The following ANKRD6 variants were observed in gnomAD, a reference collection of about 807,000 sequenced individuals.
The protein encoded by ANKRD6 is ankyrin repeat domain-containing protein 6.
A neutral mutation model predicts 82.3 loss-of-function variants in ANKRD6; 56 were observed. The observed-to-expected ratio is 0.68, with a 90% CI of 0.55 to 0.85. ANKRD6 has a LOEUF of 0.85. Among genes scored for constraint, ANKRD6 ranks in the 40% least tolerant of loss-of-function variants. The pLI is 0.00. For missense variants in ANKRD6, 852 were observed against 907.6 expected (o/e 0.94, Z 0.79); for synonymous variants, 347 against 352.1 (o/e 0.99, Z 0.16).
At chr6:89,592,772 A>G (rs1265873495) in intron 2 of ANKRD6, among the ~76,000 whole-genome samples, 1 of 152,112 alleles carries the variant, frequency 6.6e-6, no homozygotes, top group Non-Finnish European at 1.5e-5. Context: ...CAAGCACAGC[A>G]GGAGGATCTC....
chr6:89,626,891 A>G (rs1457419259), intron 13 of ANKRD6, among the ~76,000 whole-genome samples: 1 of 152,240 alleles, frequency 6.6e-6, no homozygotes, highest in Non-Finnish European at 1.5e-5. Context: ...CCAATGAAGC[A>G]CCAAAAATAT....
intron 5 of ANKRD6, among the ~76,000 whole-genome samples, chr6:89,608,371 T>C (rs1263530512): frequency 4.0e-5 from 4 of 100,092 alleles, no homozygotes; most frequent in South Asian, 4.1e-4. Context: ...ACACACACTA[T>C]ATATATATAT....
chr6:89,450,676 G>C (rs1443070945), intron 1 of ANKRD6, among the ~76,000 whole-genome samples: 1 of 151,186 alleles, frequency 6.6e-6, no homozygotes, highest in South Asian at 2.1e-4. Context: ...CACCACTGCA[G>C]ACTTTTTTTT....
chr6:89,633,827 G>T (rs1324294372), downstream of ANKRD6: 2 of 152,212 alleles, frequency 1.3e-5, no homozygotes, highest in African/African-American at 4.8e-5. Context: ...AAAAATGCAA[G>T]TGTGAATACT....
chr6:89,482,549 T>G (rs117173268), intron 1 of ANKRD6, among the ~76,000 whole-genome samples: 8,472 of 152,242 alleles, frequency 0.056, 262 homozygotes, highest in South Asian at 0.13. Flanking sequence ...GAAACCTAAC[T>G]GGCTTCTCCC....
At chr6:89,613,190 AGTT>A (rs1800659334) in intron 6 of ANKRD6, among the ~76,000 whole-genome samples, 1 of 152,116 alleles carries the variant, frequency 6.6e-6, no homozygotes, top group African/African-American at 2.4e-5. Flanking sequence ...CCTGCCCCTG[AGTT>A]TTTCTTCATA....
chr6:89,467,179 A>G (rs1774943604), intron 1 of ANKRD6, among the ~76,000 whole-genome samples: 1 of 151,936 alleles, frequency 6.6e-6, no homozygotes, highest in East Asian at 1.9e-4. Context: ...CTGTCTCCTA[A>G]TTAAAAAAAA....
intron 1 of ANKRD6, among the ~76,000 whole-genome samples, chr6:89,462,514 A>T (rs1774305546): frequency 6.6e-6 from 1 of 152,130 alleles, no homozygotes; most frequent in Non-Finnish European, 1.5e-5. Flanking sequence ...TAAATACTGA[A>T]GAATACAGTC....
intron 2 of ANKRD6, among the ~76,000 whole-genome samples, chr6:89,589,531 C>G (rs1467635048): frequency 2.6e-5 from 4 of 152,148 alleles, no homozygotes; most frequent in Non-Finnish European, 1.5e-5. Context: ...TCCTCACTGG[C>G]GGGAGATCAT....
At chr6:89,562,831 G>C (rs550759855) in intron 1 of ANKRD6, 6 of 152,350 alleles carry the variant, frequency 3.9e-5, no homozygotes, top group African/African-American at 1.4e-4. Context: ...GATCTCTCCA[G>C]GAAAGAATTG....
At chr6:89,531,332 T>C (rs1783119193) in intron 1 of ANKRD6, among the ~76,000 whole-genome samples, 1 of 152,252 alleles carries the variant, frequency 6.6e-6, no homozygotes. Flanking sequence ...AGAGAACCAA[T>C]GAATCCCTGT....
At chr6:89,623,092 C>T (rs182559387) in intron 10 of ANKRD6, among the ~76,000 whole-genome samples, 3 of 151,886 alleles carry the variant, frequency 2.0e-5, no homozygotes, top group East Asian at 1.9e-4. Context: ...GAAATCTAAA[C>T]GATCAAAAAT....
intron 1 of ANKRD6, among the ~76,000 whole-genome samples, chr6:89,469,097 G>T (rs941611114): frequency 1.3e-5 from 2 of 152,180 alleles, no homozygotes; most frequent in African/African-American, 4.8e-5. Flanking sequence ...AGAGGAGGAT[G>T]CACCTGTTTA....
At position 89,627,677 on chromosome 6, in the gene ANKRD6, A is replaced by G. The variant is rs759403088; in HGVS notation, c.1466A>G (p.His489Arg). Residue 489 changes from histidine to arginine, a missense_variant, in exon 14 of 16, where the codon CAT becomes CGT. Transcript: ENST00000339746. ...RLQQHSDTEK[H>R]EGEKRQISLV... is the part of the protein sequence containing the mutation. ...CAACAGCACTCAGACACAGAGAAGC[A>G]TGAGGGGGAGAAACGACAGGTAGGA... is the stretch of plus-strand genomic sequence containing the variant. 1.9e-6 allele frequency: 3 copies of G among 1,609,612 alleles called. No individual in the cohort carries two copies. The highest frequency in any genetic ancestry group is 3.3e-5 in the Admixed American group (2 of 59,880).
At chr6:89,450,262 A>G (rs1772644338) in intron 1 of ANKRD6, among the ~76,000 whole-genome samples, 1 of 151,984 alleles carries the variant, frequency 6.6e-6, no homozygotes, top group Non-Finnish European at 1.5e-5. Context: ...ACTTGAACCC[A>G]GGAGGTGCAG....
intron 4 of ANKRD6, among the ~76,000 whole-genome samples, chr6:89,603,670 C>T (rs1797799326): frequency 6.6e-6 from 1 of 152,026 alleles, no homozygotes; most frequent in South Asian, 2.1e-4. Context: ...TTTCTTTAAA[C>T]TATATTGCAG....
At chr6:89,580,161 A>T (rs1026023478) in intron 2 of ANKRD6, among the ~76,000 whole-genome samples, 4 of 152,190 alleles carry the variant, frequency 2.6e-5, no homozygotes, top group Admixed American at 1.3e-4. Flanking sequence ...TGAATACTTT[A>T]AAAAAGTTGA....
intron 2 of ANKRD6, among the ~76,000 whole-genome samples, chr6:89,571,062 G>T (rs199527586): frequency 7.6e-6 from 1 of 132,148 alleles, no homozygotes; most frequent in African/African-American, 2.7e-5. Context: ...TTGTTTGTTT[G>T]TTTTTTTGAG....
chr6:89,569,582 AT>A (rs1424064013), intron 2 of ANKRD6, among the ~76,000 whole-genome samples: 1 of 152,240 alleles, frequency 6.6e-6, no homozygotes, highest in Non-Finnish European at 1.5e-5. Flanking sequence ...TGTTGGAAAT[AT>A]GTTTTCAGTT....
Sources: gnomAD v4.1 joint callset for allele counts (sites outside exome capture counted in the v4.1 genomes callset) on GRCh38, gnomAD v4.1.1 for gene constraint, MANE v1.5 for transcripts, NCBI Gene and HGNC (gene_info 2026-07-23, HGNC 2026-07-21) for gene names.